Variants in RNF220 observed in about 807,000 individuals in gnomAD.
RNF220 encodes E3 ubiquitin-protein ligase RNF220.
Under a neutral mutation model 67.1 loss-of-function variants are expected in RNF220, and 7 were observed. The observed-to-expected ratio is 0.10, with a 90% CI of 0.06 to 0.20. RNF220 has a LOEUF of 0.20. Ranked by LOEUF, RNF220 falls within the 10% of genes least tolerant of loss-of-function variation. The probability of loss-of-function intolerance (pLI) is 1.00; values close to 1 mark genes in which losing one functional copy is unlikely to be tolerated. For synonymous variants in RNF220, 270 were observed against 283.2 expected (o/e 0.95, Z 0.47); for missense variants, 565 against 740.3 (o/e 0.76, Z 2.75).
At position 44,412,759 on chromosome 1, in the gene RNF220, T is replaced by C; in HGVS notation, c.625+37T>C. On this transcript the variant is annotated intron_variant, in intron 2 of 14. Coordinates refer to ENST00000361799, the MANE Select transcript of RNF220 (RefSeq NM_018150.4). The surrounding 1 kb of genome is among the most constrained non-coding windows in gnomAD (Gnocchi z 5.3). ...GGTTCCAGCCCTCCCTTACCCCCAGTAAGCCCTGCCTCACCGTGATGTTCA... is the reference window on the plus strand; with the variant it reads ...GGTTCCAGCCCTCCCTTACCCCCAGCAAGCCCTGCCTCACCGTGATGTTCA... The C allele has an allele frequency of 6.3e-7, 1 of 1,587,636 alleles. No individual in the cohort carries two copies. The highest frequency in any genetic ancestry group is 8.6e-7 in the Non-Finnish European group (1 of 1,165,248).
At chr1:44,491,368 C>T (rs1656836801) in intron 2 of RNF220, among the ~76,000 whole-genome samples, 1 of 151,864 alleles carries the variant, frequency 6.6e-6, no homozygotes, top group Non-Finnish European at 1.5e-5. Flanking sequence ...TGAACCAAAG[C>T]CAGTGACGTA....
intron 2 of RNF220, among the ~76,000 whole-genome samples, chr1:44,437,254 C>T (rs1651073270): frequency 6.6e-6 from 1 of 152,140 alleles, no homozygotes; most frequent in African/African-American, 2.4e-5. Flanking sequence ...GTGGGTGGGC[C>T]AACTGCATGA....
At chr1:44,438,297 T>A (rs1048326577) in intron 2 of RNF220, among the ~76,000 whole-genome samples, 22 of 151,950 alleles carry the variant, frequency 1.4e-4, no homozygotes, top group African/African-American at 4.6e-4. Flanking sequence ...ATTAAAAAAA[T>A]TTTTTTGTAG....
chr1:44,577,373 T>C (rs536983094), intron 2 of RNF220, among the ~76,000 whole-genome samples: 119 of 148,114 alleles, frequency 8.0e-4, no homozygotes, highest in African/African-American at 3.0e-3. Context: ...AGCTTCTCCC[T>C]TCTCCCCACT....
chr1:44,577,198 CT>C (rs1187786614), intron 2 of RNF220, among the ~76,000 whole-genome samples: 1 of 152,176 alleles, frequency 6.6e-6, no homozygotes, highest in Non-Finnish European at 1.5e-5. Context: ...CTAGGACTGT[CT>C]TCCTATCAGG....
intron 12 of RNF220, chr1:44,648,673 C>CAA (rs1176676789): frequency 1.3e-5 from 2 of 152,234 alleles, no homozygotes; most frequent in African/African-American, 4.8e-5. Context: ...GCCCTGGAGG[C>CAA]AGGCCAGGGC....
At chr1:44,416,143 T>G (rs534249160) in intron 2 of RNF220, among the ~76,000 whole-genome samples, 5 of 152,336 alleles carry the variant, frequency 3.3e-5, no homozygotes, top group Non-Finnish European at 7.3e-5. Flanking sequence ...AGGACTGACT[T>G]ACTTGCCCTG....
At chr1:44,531,927 C>G (rs1660866563) in intron 2 of RNF220, among the ~76,000 whole-genome samples, 2 of 152,206 alleles carry the variant, frequency 1.3e-5, no homozygotes, top group African/African-American at 4.8e-5. Context: ...ATACAAGAAT[C>G]AGCTTCCTCT....
intron 2 of RNF220, among the ~76,000 whole-genome samples, chr1:44,425,852 G>C (rs750823076): frequency 6.6e-6 from 1 of 152,138 alleles, no homozygotes; most frequent in Non-Finnish European, 1.5e-5. Flanking sequence ...ATGGTCTTTG[G>C]GGGCTAAAAT....
intron 2 of RNF220, among the ~76,000 whole-genome samples, chr1:44,576,449 T>C (rs921253427): frequency 1.3e-5 from 2 of 152,164 alleles, no homozygotes; most frequent in African/African-American, 4.8e-5. Flanking sequence ...TTTCATTCCA[T>C]CTTGAGGCTG....
intron 2 of RNF220, among the ~76,000 whole-genome samples, chr1:44,460,020 G>T (rs1349704898): frequency 6.6e-6 from 1 of 152,182 alleles, no homozygotes; most frequent in African/African-American, 2.4e-5. Context: ...GGGAGAGGGG[G>T]ATGAACAGGG....
intron 2 of RNF220, among the ~76,000 whole-genome samples, chr1:44,506,035 C>T (rs907774967): frequency 2.6e-5 from 4 of 152,170 alleles, no homozygotes; most frequent in Non-Finnish European, 4.4e-5. Flanking sequence ...CACTCCTATT[C>T]CTTACCTCTT....
At chr1:44,536,076 C>G (rs1203742986) in intron 2 of RNF220, among the ~76,000 whole-genome samples, 2 of 152,118 alleles carry the variant, frequency 1.3e-5, no homozygotes, top group Non-Finnish European at 2.9e-5. Flanking sequence ...TCTCTACTTC[C>G]CAATTCCAGG....
At chr1:44,637,130 G>A (rs1410582153) in intron 8 of RNF220, among the ~76,000 whole-genome samples, 1 of 152,224 alleles carries the variant, frequency 6.6e-6, no homozygotes, top group Non-Finnish European at 1.5e-5. Flanking sequence ...CACAGCAGCT[G>A]GGAAGAAGTT....
chr1:44,421,334 T>C (rs1649189063), intron 2 of RNF220, among the ~76,000 whole-genome samples: 1 of 152,238 alleles, frequency 6.6e-6, no homozygotes, highest in East Asian at 1.9e-4. Flanking sequence ...AGATTTGGAC[T>C]ACACGTAATG....
chr1:44,562,343 C>T (rs548297249), intron 2 of RNF220, among the ~76,000 whole-genome samples: 96 of 152,284 alleles, frequency 6.3e-4, no homozygotes, highest in African/African-American at 2.1e-3. Flanking sequence ...TGCAGGAAGC[C>T]GTGGCTGCTT....
At chr1:44,482,070 C>T (rs1655870478) in intron 2 of RNF220, among the ~76,000 whole-genome samples, 1 of 152,110 alleles carries the variant, frequency 6.6e-6, no homozygotes, top group South Asian at 2.1e-4. Context: ...TACTTGGGCC[C>T]CTTGATTTTG....
intron 2 of RNF220, among the ~76,000 whole-genome samples, chr1:44,564,465 A>G (rs1352166065): frequency 6.6e-6 from 1 of 152,080 alleles, no homozygotes; most frequent in Non-Finnish European, 1.5e-5. Context: ...GTGAAGAACC[A>G]CTATTCTGGC....
intron 2 of RNF220, among the ~76,000 whole-genome samples, chr1:44,450,905 C>CACCTTATGAGG (rs1230896686): frequency 3.9e-5 from 6 of 151,900 alleles, no homozygotes; most frequent in Admixed American, 2.6e-4. Flanking sequence ...TGTACTTGGC[C>CACCTTATGAGG]CCACGTGGTG....
Sources: gnomAD v4.1 joint callset for allele counts (sites outside exome capture counted in the v4.1 genomes callset) on GRCh38, gnomAD v4.1.1 for gene constraint, Gnocchi (gnomAD v3.1) non-coding constraint, MANE v1.5 for transcripts, NCBI Gene and HGNC (gene_info 2026-07-23, HGNC 2026-07-21) for gene names.